SNX29: variants seen among roughly 807,000 people sequenced by gnomAD.
The protein encoded by SNX29 is sorting nexin 29.
SNX29 carries 78 observed loss-of-function variants against 102.1 expected under a neutral mutation model. The ratio of observed to expected loss-of-function variants is 0.76; its 90% CI spans 0.64 to 0.92. The LOEUF (loss-of-function observed/expected upper bound fraction) is 0.92. Among genes scored for constraint, SNX29 ranks in the 40% least tolerant of loss-of-function variants. SNX29 has a pLI of 0.00. For synonymous variants in SNX29, 580 were observed against 414.5 expected (o/e 1.40, Z -4.85); for missense variants, 1,280 against 1,061.7 (o/e 1.21, Z -2.86).
chr16:12,532,020 G>A (rs968463001), intron 20 of SNX29, among the ~76,000 whole-genome samples: 1 of 152,190 alleles, frequency 6.6e-6, no homozygotes, highest in African/African-American at 2.4e-5. Context: ...AGAGGCAGGA[G>A]CAGGAGGTGT....
chr16:12,059,460 C>G (rs989066036), intron 8 of SNX29, among the ~76,000 whole-genome samples: 1 of 152,224 alleles, frequency 6.6e-6, no homozygotes, highest in Non-Finnish European at 1.5e-5. Context: ...TGCCCCCACC[C>G]TGCTGTCTGA....
At chr16:12,355,864 AAAAAAAAAAAAAG>A (rs1391361586) in intron 15 of SNX29, among the ~76,000 whole-genome samples, 15 of 150,168 alleles carry the variant, frequency 1.0e-4, no homozygotes, top group Non-Finnish European at 2.1e-4. Flanking sequence ...AAAAAAAAAA[AAAAAAAAAAAAAG>A]AGAGAGGAAA....
chr16:12,153,527 G>GC (rs1450216687), intron 13 of SNX29, among the ~76,000 whole-genome samples: 2 of 151,556 alleles, frequency 1.3e-5, no homozygotes, highest in Non-Finnish European at 2.9e-5. Flanking sequence ...AGGCTGGAGT[G>GC]CAGTGGCATG....
At chr16:12,379,843 G>C (rs2083009344) in intron 16 of SNX29, among the ~76,000 whole-genome samples, 1 of 152,208 alleles carries the variant, frequency 6.6e-6, no homozygotes, top group Non-Finnish European at 1.5e-5. Context: ...GGCCTGCCCA[G>C]CAGTGATGAG....
At chr16:12,260,090 T>G (rs1195240605) in intron 14 of SNX29, among the ~76,000 whole-genome samples, 1 of 152,202 alleles carries the variant, frequency 6.6e-6, no homozygotes, top group African/African-American at 2.4e-5. Flanking sequence ...TTCTCTCCAT[T>G]GTGACCTGAC....
intron 4 of SNX29, among the ~76,000 whole-genome samples, chr16:12,030,879 A>G (rs1341211912): frequency 6.6e-6 from 1 of 151,930 alleles, no homozygotes. Context: ...CAACTCTTTC[A>G]TCCAGTTTGC....
chr16:12,154,633 G>A (rs1423750755), intron 13 of SNX29, among the ~76,000 whole-genome samples: 1 of 152,206 alleles, frequency 6.6e-6, no homozygotes, highest in Non-Finnish European at 1.5e-5. Context: ...GTCCATCCGG[G>A]CTACTATAAC....
At chr16:12,070,135 A>C (rs984964766) in intron 10 of SNX29, among the ~76,000 whole-genome samples, 7 of 152,090 alleles carry the variant, frequency 4.6e-5, no homozygotes, top group African/African-American at 1.7e-4. Flanking sequence ...TTGTTTTTTC[A>C]AATAAAGTAT....
intron 15 of SNX29, among the ~76,000 whole-genome samples, chr16:12,280,611 C>T (rs1288803185): frequency 6.6e-6 from 1 of 152,142 alleles, no homozygotes; most frequent in Non-Finnish European, 1.5e-5. Context: ...GCAGACATGT[C>T]CTCAAACGGC....
chr16:12,007,463 C>T (rs2056493403), intron 3 of SNX29, among the ~76,000 whole-genome samples: 1 of 152,152 alleles, frequency 6.6e-6, no homozygotes, highest in Non-Finnish European at 1.5e-5. Context: ...CGAGATCACA[C>T]CGTTGCAATG....
intron 18 of SNX29, among the ~76,000 whole-genome samples, chr16:12,405,813 C>T (rs963044884): frequency 6.6e-5 from 10 of 151,772 alleles, no homozygotes; most frequent in African/African-American, 9.7e-5. Context: ...GCGGGTGGAT[C>T]GCCTGAGATC....
At chr16:12,247,833 T>A (rs1269721287) in intron 14 of SNX29, among the ~76,000 whole-genome samples, 2 of 152,228 alleles carry the variant, frequency 1.3e-5, no homozygotes, top group Non-Finnish European at 2.9e-5. Context: ...TGACCACATG[T>A]GCTTCTTAGT....
intron 15 of SNX29, among the ~76,000 whole-genome samples, chr16:12,306,177 T>C (rs1351034568): frequency 6.6e-6 from 1 of 152,170 alleles, no homozygotes; most frequent in Non-Finnish European, 1.5e-5. Flanking sequence ...ATTTTAGCAA[T>C]GGATTTCAGA....
chr16:12,479,129 A>G (rs998318731), intron 19 of SNX29, among the ~76,000 whole-genome samples: 2 of 152,222 alleles, frequency 1.3e-5, no homozygotes, highest in African/African-American at 2.4e-5. Flanking sequence ...CACCGTAGAC[A>G]TGCTGATTCA....
At chr16:12,171,477 GAGGGAGGGCTCT>G (rs2076148556) in intron 13 of SNX29, among the ~76,000 whole-genome samples, 1 of 152,362 alleles carries the variant, frequency 6.6e-6, no homozygotes, top group Non-Finnish European at 1.5e-5. Flanking sequence ...CTGTGCTTCA[GAGGGAGGGCTCT>G]AGGGAGGGCA....
chr16:12,498,712 C>A (rs1035820791), intron 19 of SNX29, among the ~76,000 whole-genome samples: 9 of 152,208 alleles, frequency 5.9e-5, no homozygotes, highest in East Asian at 5.8e-4. Context: ...AAAAGAGATT[C>A]AACTCTACAT....
At chr16:12,380,298 C>T (rs1053205344) in intron 16 of SNX29, among the ~76,000 whole-genome samples, 10 of 147,816 alleles carry the variant, frequency 6.8e-5, no homozygotes, top group African/African-American at 2.3e-4. Context: ...TACCCCCCAA[C>T]ACCCAACCAC....
intron 20 of SNX29, among the ~76,000 whole-genome samples, chr16:12,539,038 C>T (rs756050437): frequency 2.0e-5 from 3 of 152,078 alleles, no homozygotes; most frequent in African/African-American, 7.2e-5. Context: ...AGAATGGGGC[C>T]CAGAAAGACA....
At chr16:12,456,062 ATTTG>A (rs1342602504) in intron 18 of SNX29, among the ~76,000 whole-genome samples, 1 of 152,136 alleles carries the variant, frequency 6.6e-6, no homozygotes, top group East Asian at 1.9e-4. Context: ...TCATCTGTTC[ATTTG>A]TTTGTTCATT....
Sources: gnomAD v4.1 joint callset for allele counts (sites outside exome capture counted in the v4.1 genomes callset) on GRCh38, gnomAD v4.1.1 for gene constraint, MANE v1.5 for transcripts, NCBI Gene and HGNC (gene_info 2026-07-23, HGNC 2026-07-21) for gene names.